The following ATP8A2 variants were observed in gnomAD, a reference collection of about 807,000 sequenced individuals.
The protein encoded by ATP8A2 is ATPase phospholipid transporting 8A2, also known as phospholipid-transporting ATPase IB.
In ATP8A2, 100 loss-of-function variants were observed where a neutral mutation model predicts 165.6. The ratio of observed to expected loss-of-function variants is 0.60; its 90% CI spans 0.51 to 0.71. The LOEUF (loss-of-function observed/expected upper bound fraction) is 0.71. Ranked by LOEUF, ATP8A2 falls within the 30% of genes least tolerant of loss-of-function variation. The probability of loss-of-function intolerance (pLI) is 0.00; values close to 1 mark genes in which losing one functional copy is unlikely to be tolerated. For missense variants in ATP8A2, 1,227 were observed against 1,479.5 expected, an observed-to-expected ratio of 0.83 and a Z score of 2.80; for synonymous variants, 543 against 548.8, an observed-to-expected ratio of 0.99 and a Z score of 0.15.
rs573892111 is a variant in ATP8A2 at position 25,881,133 on chromosome 13, G to A, written c.3183+18725G>A. 1.5e-3 allele frequency among the ~76,000 whole-genome samples: 223 copies of A among 152,248 alleles called. 1 individual carries two copies. The highest frequency in any genetic ancestry group is 0.01 in the Middle Eastern group (3 of 294). ...ATTAATTTACTTTCTTTTGTTTGGG[G>A]GGCATTTTTTTTTCTCCCTGCCCTC... On this transcript the variant is annotated intron_variant, in intron 33 of 36. Transcript: ENST00000381655.
At position 25,791,845 on chromosome 13, in the gene ATP8A2, T is replaced by C. The variant is rs553391868; in HGVS notation, c.2679+16886T>C. Among the ~76,000 whole-genome samples, 120 of 152,348 alleles carry C rather than the reference T, an allele frequency of 7.9e-4. 1 individual carries two copies. The highest frequency in any genetic ancestry group is 3.1e-3 in the South Asian group (15 of 4,830). On this transcript the variant is annotated intron_variant, in intron 27 of 36. Coordinates refer to ENST00000381655, the MANE Select transcript of ATP8A2 (RefSeq NM_016529.6). ...ATTTTACTAGACCCTTGTTTCCTTC[T>C]TGCTGCTGAGTATATTTTCAATCTA...
chr13:25,531,943 A>C (rs779160532), intron 4 of ATP8A2, among the ~76,000 whole-genome samples: 4 of 152,170 alleles, frequency 2.6e-5, no homozygotes, highest in Non-Finnish European at 4.4e-5. Context: ...ATCGAAGCAA[A>C]GTTACTTTAT....
At chr13:25,515,643 T>C (rs1040813548) in intron 2 of ATP8A2, among the ~76,000 whole-genome samples, 25 of 152,384 alleles carry the variant, frequency 1.6e-4, no homozygotes, top group African/African-American at 6.0e-4. Context: ...TTAAACTGAC[T>C]GCATATTTTT....
chr13:25,601,692 C>T (rs919017413), intron 24 of ATP8A2, among the ~76,000 whole-genome samples: 7 of 152,110 alleles, frequency 4.6e-5, no homozygotes, highest in Admixed American at 2.6e-4. Flanking sequence ...CAGTTGCTGT[C>T]GAACTGAACT....
intron 25 of ATP8A2, among the ~76,000 whole-genome samples, chr13:25,764,845 G>A (rs2044457711): frequency 6.6e-6 from 1 of 152,234 alleles, no homozygotes; most frequent in African/African-American, 2.4e-5. Flanking sequence ...TCTGGCTCAA[G>A]TGAGCTCAGT....
chr13:25,906,688 A>G lies in ATP8A2; in HGVS notation c.3183+44280A>G, dbSNP rs144661701. Among the ~76,000 whole-genome samples, 15 of 152,182 alleles carry G rather than the reference A, an allele frequency of 9.9e-5. 1 individual carries two copies. The East Asian group carries it at 1.5e-3, about 16-fold the overall frequency. On this transcript the variant is annotated intron_variant, in intron 33 of 36. Coordinates refer to ENST00000381655, the MANE Select transcript of ATP8A2 (RefSeq NM_016529.6). ...TGTCACTGCTTCTACTTAACTATTG[A>G]GATGACAGAATGAGAGCCTTCAGAT...
chr13:25,628,939 G>A (rs1018353959), intron 24 of ATP8A2, among the ~76,000 whole-genome samples: 1 of 152,120 alleles, frequency 6.6e-6, no homozygotes, highest in Non-Finnish European at 1.5e-5. Flanking sequence ...CTCCATGAGA[G>A]GGAACATCAC....
chr13:25,606,730 G>C (rs570491585), intron 24 of ATP8A2, among the ~76,000 whole-genome samples: 2 of 152,196 alleles, frequency 1.3e-5, no homozygotes, highest in South Asian at 4.2e-4. Context: ...TTCTATAGAG[G>C]GTTAATGAGA....
intron 20 of ATP8A2, among the ~76,000 whole-genome samples, chr13:25,578,222 T>TA (rs2039671376): frequency 6.6e-6 from 1 of 152,202 alleles, no homozygotes; most frequent in South Asian, 2.1e-4. Context: ...AAACTCAGTT[T>TA]AAAAAAATTT....
At chr13:25,571,502 C>G in intron 17 of ATP8A2, 108 bp from the exon 18 acceptor site, 1 of 759,016 alleles carries the variant, frequency 1.3e-6, no homozygotes, top group Non-Finnish European at 2.2e-6. Flanking sequence ...GCAGATAACA[C>G]CAGGCCTCCT....
chr13:25,749,539 A>G (rs1007160003), intron 25 of ATP8A2, among the ~76,000 whole-genome samples: 1 of 151,926 alleles, frequency 6.6e-6, no homozygotes, highest in African/African-American at 2.4e-5. Flanking sequence ...TGACGCAGGC[A>G]TTGTCACATC....
At chr13:25,932,113 A>G (rs1954784156) in intron 33 of ATP8A2, among the ~76,000 whole-genome samples, 1 of 152,012 alleles carries the variant, frequency 6.6e-6, no homozygotes, top group African/African-American at 2.4e-5. Flanking sequence ...GACCTGTTAT[A>G]AACTTACCCA....
intron 24 of ATP8A2, among the ~76,000 whole-genome samples, chr13:25,662,374 A>G (rs2042068329): frequency 1.3e-5 from 2 of 152,206 alleles, no homozygotes; most frequent in Admixed American, 6.5e-5. Context: ...AAAAGAATTC[A>G]TAGGCTTAGC....
At chr13:25,562,803 AT>A (rs148765562) in intron 15 of ATP8A2, among the ~76,000 whole-genome samples, 7 of 151,192 alleles carry the variant, frequency 4.6e-5, no homozygotes, top group Admixed American at 6.6e-5. Flanking sequence ...AAAGATAAGC[AT>A]TTTTTTTTCT....
intron 33 of ATP8A2, among the ~76,000 whole-genome samples, chr13:25,920,975 T>A (rs9507601): frequency 0.22 from 33,338 of 151,792 alleles, 3,839 homozygotes; most frequent in East Asian, 0.3. Context: ...GAGGCTGAGG[T>A]GGGAGAATCT....
At chr13:25,578,108 T>C (rs972389211) in intron 20 of ATP8A2, among the ~76,000 whole-genome samples, 2 of 152,168 alleles carry the variant, frequency 1.3e-5, no homozygotes, top group African/African-American at 4.8e-5. Flanking sequence ...CAGGTGTCAG[T>C]GTGAGGTGGT....
chr13:25,767,841 G>T (rs1034563077), intron 25 of ATP8A2, among the ~76,000 whole-genome samples: 4 of 152,214 alleles, frequency 2.6e-5, no homozygotes, highest in South Asian at 2.1e-4. Context: ...CTCGCCAAAT[G>T]CATTTCTTTC....
Position 25,688,164 on chromosome 13 carries a change from TG to T in ATP8A2, c.2212-11006del, listed in dbSNP as rs200124733. 5.3e-3 allele frequency among the ~76,000 whole-genome samples: 812 copies of T among 152,292 alleles called. 4 individuals carry two copies. The highest frequency in any genetic ancestry group is 0.018 in the African/African-American group (748 of 41,548). On this transcript the variant is annotated intron_variant, in intron 24 of 36. Coordinates refer to ENST00000381655, the MANE Select transcript of ATP8A2 (RefSeq NM_016529.6). ...TGTCGCTGTTTCATTCTGAAACTCT[TG>T]GGCCTCTAGGATCCTGTGCACATTA... is the stretch of plus-strand genomic sequence containing the variant.
intron 24 of ATP8A2, among the ~76,000 whole-genome samples, chr13:25,614,018 G>T (rs1172320981): frequency 6.6e-6 from 1 of 152,156 alleles, no homozygotes; most frequent in African/African-American, 2.4e-5. Context: ...GTACCTAGGC[G>T]ATGATCTTTT....
Sources: allele counts gnomAD v4.1 joint callset (sites outside exome capture counted in the v4.1 genomes callset), GRCh38; gene constraint gnomAD v4.1.1; transcripts MANE v1.5; gene names NCBI Gene and HGNC (gene_info 2026-07-23, HGNC 2026-07-21).